DNAH7: variants seen among roughly 807,000 people sequenced by gnomAD.
DNAH7 encodes the protein axonemal beta dynein heavy chain 7.
Under a neutral mutation model 444.6 loss-of-function variants are expected in DNAH7, and 397 were observed. That is an observed-to-expected ratio of 0.89 (90% CI 0.82 to 0.97). The LOEUF (loss-of-function observed/expected upper bound fraction) is 0.97. Among genes scored for constraint, DNAH7 ranks in the 50% least tolerant of loss-of-function variants. The pLI is 0.00. For missense variants in DNAH7, 4,902 were observed against 4,800.8 expected, an observed-to-expected ratio of 1.02 and a Z score of -0.62; for synonymous variants, 1,636 against 1,624.4, an observed-to-expected ratio of 1.01 and a Z score of -0.17.
chr2:195,798,793 G>C (rs1824629), intron 55 of DNAH7, among the ~76,000 whole-genome samples: 1 of 151,764 alleles, frequency 6.6e-6, no homozygotes, highest in Non-Finnish European at 1.5e-5. Context: ...TGATCTGCCC[G>C]CCTCGGCCTC....
chr2:196,026,702 A>G, intron 7 of DNAH7, 58 bp downstream of exon 7: 1 of 1,248,498 alleles, frequency 8.0e-7, no homozygotes, highest in Non-Finnish European at 1.1e-6. Flanking sequence ...TTAATACAAA[A>G]ATAATCTTTA....
At chr2:195,776,461 GA>G (rs1266492902) in intron 59 of DNAH7, among the ~76,000 whole-genome samples, 2 of 148,202 alleles carry the variant, frequency 1.3e-5, no homozygotes, top group Non-Finnish European at 3.0e-5. Context: ...AAGAAAAGAG[GA>G]AAAAAAAAGA....
intron 13 of DNAH7, 68 bp from the exon 14 acceptor site, chr2:195,987,261 A>G (rs1020592141): frequency 8.0e-7 from 1 of 1,247,016 alleles, no homozygotes; most frequent in East Asian, 2.7e-5. Context: ...CAATTTTGCC[A>G]TTCTCATAAT....
chr2:195,748,932 A>G (rs921438630), intron 63 of DNAH7, among the ~76,000 whole-genome samples: 1 of 152,166 alleles, frequency 6.6e-6, no homozygotes, highest in African/African-American at 2.4e-5. Context: ...ATGGGCAAGG[A>G]CTTCATGTCT....
chr2:196,049,921 A>C (rs1365939993), intron 3 of DNAH7, among the ~76,000 whole-genome samples: 3 of 152,228 alleles, frequency 2.0e-5, no homozygotes, highest in African/African-American at 7.2e-5. Flanking sequence ...CTAGAAAATT[A>C]AGAGGGATTT....
At chr2:195,874,131 A>G (rs551890379) in intron 38 of DNAH7, among the ~76,000 whole-genome samples, 3 of 152,322 alleles carry the variant, frequency 2.0e-5, no homozygotes, top group Admixed American at 6.5e-5. Flanking sequence ...CGAATTCAGC[A>G]CAACCATGAC....
intron 61 of DNAH7, among the ~76,000 whole-genome samples, chr2:195,764,190 T>C (rs1458818734): frequency 1.6e-4 from 25 of 151,828 alleles, no homozygotes; most frequent in Admixed American, 1.5e-3. Flanking sequence ...CAACATCCCT[T>C]AATGATTAAA....
In DNAH7 at chr2:195,984,636, A is replaced by T; in HGVS notation, c.1829T>A (p.Met610Lys). 3.1e-6 allele frequency: 5 copies of T among 1,613,606 alleles called. No homozygotes were observed. Among genetic ancestry groups the T allele is most frequent in the Non-Finnish European group, 3.4e-6 (4 of 1,179,614 alleles). The change falls in exon 15 of 65, where the codon ATG (methionine) becomes AAG (lysine). Residue 610 changes from methionine to lysine, a missense_variant. Met to Lys is a moderately conservative substitution (Grantham distance 95). Coordinates refer to ENST00000312428, the MANE Select transcript of DNAH7 (RefSeq NM_018897.3). ...TGGAGAAGCTATAAACAATACCTTCATTTCCATTAGTTCTGCTGTATTTGG... is the reference window on the plus strand; with the variant it reads ...TGGAGAAGCTATAAACAATACCTTCTTTTCCATTAGTTCTGCTGTATTTGG... ...TPPNTAELMEMKAYIQKVEVT... is the reference protein window; with the variant it reads ...TPPNTAELMEKKAYIQKVEVT...
chr2:196,002,182 C>T (rs1198178979), intron 10 of DNAH7, among the ~76,000 whole-genome samples: 1 of 152,188 alleles, frequency 6.6e-6, no homozygotes, highest in Non-Finnish European at 1.5e-5. Context: ...CCTCTCCAAT[C>T]TCCTAAATAT....
intron 12 of DNAH7, chr2:195,998,842 G>C (rs975291698): frequency 2.9e-5 from 11 of 375,866 alleles, no homozygotes; most frequent in Non-Finnish European, 4.8e-5. Flanking sequence ...AAATATGCCA[G>C]GATAATAAAG....
chr2:195,905,741 T>G (rs1559208176), intron 27 of DNAH7: 1 of 152,172 alleles, frequency 6.6e-6, no homozygotes, highest in Non-Finnish European at 1.5e-5. Context: ...GTGTTTTTTT[T>G]TAAAGTAAAG....
chr2:195,897,563 G>T, intron 29 of DNAH7, 104 bp downstream of exon 29: 1 of 615,762 alleles, frequency 1.6e-6, no homozygotes, highest in Non-Finnish European at 2.8e-6. Context: ...ATGTTTCTCT[G>T]TACTGTGTCA....
At chr2:195,863,551 C>A (rs551726642) in intron 41 of DNAH7, among the ~76,000 whole-genome samples, 1 of 152,300 alleles carries the variant, frequency 6.6e-6, no homozygotes, top group East Asian at 1.9e-4. Context: ...AAAGGTCACT[C>A]TGGCTTTCTC....
intron 10 of DNAH7, among the ~76,000 whole-genome samples, chr2:196,012,179 C>T (rs1288335840): frequency 6.6e-6 from 1 of 152,046 alleles, no homozygotes; most frequent in Non-Finnish European, 1.5e-5. Flanking sequence ...ATTTTAATGT[C>T]CTGTTTATAA....
At chr2:195,813,925 C>T (rs1336821161) in intron 51 of DNAH7, among the ~76,000 whole-genome samples, 3 of 152,164 alleles carry the variant, frequency 2.0e-5, no homozygotes, top group Non-Finnish European at 4.4e-5. Flanking sequence ...ACAAGCATGA[C>T]GTTGAGTGCA....
intron 19 of DNAH7, among the ~76,000 whole-genome samples, chr2:195,942,073 T>C (rs891294486): frequency 2.6e-5 from 4 of 151,882 alleles, no homozygotes; most frequent in Non-Finnish European, 4.4e-5. Flanking sequence ...AGACAGACAA[T>C]AAATAACAAA....
intron 58 of DNAH7, among the ~76,000 whole-genome samples, chr2:195,781,039 G>A (rs371619894): frequency 6.6e-6 from 1 of 151,020 alleles, no homozygotes; most frequent in East Asian, 2.0e-4. Flanking sequence ...TTAAGGCAGT[G>A]AATTTAGGAG....
At chr2:195,907,149 C>A (rs1297054267) in intron 25 of DNAH7, 140 bp from the exon 26 acceptor site, 4 of 606,322 alleles carry the variant, frequency 6.6e-6, no homozygotes, top group Non-Finnish European at 1.1e-5. Flanking sequence ...TTAAAGGCAG[C>A]TGATTTTTTC....
At position 195,754,595 on chromosome 2, in the gene DNAH7, G is replaced by T. The variant is rs752077434; in HGVS notation, c.11587-81C>A. The T allele has an allele frequency of 6.5e-4, 923 of 1,420,518 alleles. 2 individuals carry two copies. Among genetic ancestry groups the T allele is most frequent in the Non-Finnish European group, 8.1e-4 (857 of 1,054,256 alleles). The allele number at this position is 1,420,518 out of a possible 1,614,324, so 88.0% of individuals were successfully genotyped here. ...TTTTTTTGAGACAGGATCTCTGGTT[G>T]CCCAGGCAGGGCTCAGGTGATCCTC... On this transcript the variant is annotated intron_variant, in intron 62 of 64. Coordinates refer to ENST00000312428, the MANE Select transcript of DNAH7 (RefSeq NM_018897.3).
Sources: gnomAD v4.1 joint callset for allele counts (sites outside exome capture counted in the v4.1 genomes callset) on GRCh38, gnomAD v4.1.1 for gene constraint, MANE v1.5 for transcripts, NCBI Gene and HGNC (gene_info 2026-07-23, HGNC 2026-07-21) for gene names.